Variants in DPP10 observed in about 807,000 individuals in gnomAD.
DPP10 encodes the protein inactive dipeptidyl peptidase 10.
In DPP10, 33 loss-of-function variants were observed where a neutral mutation model predicts 120.9. The observed-to-expected ratio is 0.27, with a 90% confidence interval of 0.21 to 0.37. The LOEUF is 0.37. Among genes scored for constraint, DPP10 ranks in the 10% least tolerant of loss-of-function variants. The probability of loss-of-function intolerance (pLI) is 1.00; values close to 1 mark genes in which losing one functional copy is unlikely to be tolerated. For synonymous variants in DPP10, 337 were observed against 326.1 expected (o/e 1.03, Z -0.36); for missense variants, 816 against 942.8 (o/e 0.87, Z 1.76).
chr2:115,583,605 A>T (rs1341510463), intron 5 of DPP10, among the ~76,000 whole-genome samples: 2 of 152,190 alleles, frequency 1.3e-5, no homozygotes, highest in Non-Finnish European at 2.9e-5. Flanking sequence ...CAGGGCTCCC[A>T]TAGAGCGTTT....
chr2:115,200,837 G>A (rs986799716), intron 1 of DPP10, among the ~76,000 whole-genome samples: 2 of 152,228 alleles, frequency 1.3e-5, no homozygotes, highest in Admixed American at 1.3e-4. Context: ...TTAAACCGAG[G>A]TGCTACTGAG....
intron 1 of DPP10, among the ~76,000 whole-genome samples, chr2:115,056,193 G>T (rs979459661): frequency 6.6e-6 from 1 of 152,120 alleles, no homozygotes; most frequent in African/African-American, 2.4e-5. Flanking sequence ...GGGTTGGAGG[G>T]TGAGGCAGGG....
intron 1 of DPP10, among the ~76,000 whole-genome samples, chr2:115,104,019 T>G (rs1573626753): frequency 6.6e-6 from 1 of 152,172 alleles, no homozygotes; most frequent in Non-Finnish European, 1.5e-5. Context: ...AGCCTGGAGG[T>G]GATTTTATAC....
intron 1 of DPP10, among the ~76,000 whole-genome samples, chr2:115,112,198 A>AT (rs2049260873): frequency 6.6e-6 from 1 of 151,826 alleles, no homozygotes; most frequent in Admixed American, 6.6e-5. Flanking sequence ...AATATTGTAT[A>AT]TTTTTTCCAT....
At chr2:114,956,275 G>T (rs2104680319) in intron 1 of DPP10, among the ~76,000 whole-genome samples, 1 of 151,832 alleles carries the variant, frequency 6.6e-6, no homozygotes, top group South Asian at 2.1e-4. Flanking sequence ...GTAAAAATCA[G>T]TAACATTCCT....
At chr2:115,198,409 T>A (rs1226149038) in intron 1 of DPP10, among the ~76,000 whole-genome samples, 2 of 152,222 alleles carry the variant, frequency 1.3e-5, no homozygotes, top group Non-Finnish European at 2.9e-5. Flanking sequence ...CATGTGTGTG[T>A]GTAGTAGTGT....
chr2:114,726,744 T>C (rs1702074531), intron 1 of DPP10, among the ~76,000 whole-genome samples: 1 of 152,246 alleles, frequency 6.6e-6, no homozygotes, highest in Admixed American at 6.5e-5. Context: ...GAATGCCCTT[T>C]AAGCAGGCCA....
At chr2:115,428,348 G>A (rs1318325470) in intron 3 of DPP10, among the ~76,000 whole-genome samples, 1 of 152,126 alleles carries the variant, frequency 6.6e-6, no homozygotes, top group African/African-American at 2.4e-5. Flanking sequence ...GTATTGGGCT[G>A]TTCTTGCTTT....
chr2:115,281,300 C>T (rs1326094552), intron 1 of DPP10, among the ~76,000 whole-genome samples: 4 of 152,054 alleles, frequency 2.6e-5, no homozygotes, highest in Admixed American at 6.5e-5. Context: ...ATCTGTGTTC[C>T]GAAGACTTAT....
intron 2 of DPP10, among the ~76,000 whole-genome samples, chr2:115,325,342 A>G (rs1364305960): frequency 1.3e-5 from 2 of 152,186 alleles, no homozygotes; most frequent in Non-Finnish European, 2.9e-5. Context: ...AAAGTTCTTG[A>G]TAATGAAGTA....
intron 1 of DPP10, among the ~76,000 whole-genome samples, chr2:114,768,914 A>G (rs1020915779): frequency 1.3e-5 from 2 of 152,308 alleles, no homozygotes; most frequent in African/African-American, 2.4e-5. Context: ...CTATGAGATG[A>G]TAGTGGAAAT....
intron 8 of DPP10, among the ~76,000 whole-genome samples, chr2:115,737,765 C>T (rs1399053529): frequency 6.6e-6 from 1 of 152,128 alleles, no homozygotes; most frequent in Non-Finnish European, 1.5e-5. Context: ...GAATTCAATT[C>T]CTCTTTACTT....
chr2:114,443,486 C>G (rs915458980), intron 1 of DPP10, among the ~76,000 whole-genome samples: 4 of 152,140 alleles, frequency 2.6e-5, no homozygotes, highest in Admixed American at 2.6e-4. Flanking sequence ...AGAACAAACT[C>G]ACAATTTCAC....
chr2:115,445,470 G>A (rs556644635), intron 3 of DPP10, among the ~76,000 whole-genome samples: 37 of 152,278 alleles, frequency 2.4e-4, no homozygotes, highest in Non-Finnish European at 3.4e-4. Context: ...ATGAAGTCCA[G>A]GCTGAGGTGA....
intron 1 of DPP10, among the ~76,000 whole-genome samples, chr2:114,659,489 A>G (rs774778332): frequency 9.2e-5 from 14 of 152,198 alleles, no homozygotes; most frequent in Non-Finnish European, 1.8e-4. Context: ...CACAAAGCCA[A>G]GTAATGGGGT....
At chr2:115,013,226 A>G (rs1198320695) in intron 1 of DPP10, among the ~76,000 whole-genome samples, 1 of 152,104 alleles carries the variant, frequency 6.6e-6, no homozygotes, top group Non-Finnish European at 1.5e-5. Context: ...TTTTTCTGTA[A>G]AGGATTTTAT....
chr2:114,639,970 TG>T (rs1209973264), intron 1 of DPP10, among the ~76,000 whole-genome samples: 1 of 151,958 alleles, frequency 6.6e-6, no homozygotes, highest in African/African-American at 2.4e-5. Context: ...TGATTTTTTT[TG>T]TTCTTCACTG....
At chr2:115,113,006 T>C (rs551036839) in intron 1 of DPP10, among the ~76,000 whole-genome samples, 23 of 152,224 alleles carry the variant, frequency 1.5e-4, no homozygotes, top group African/African-American at 5.5e-4. Context: ...ACTAGTTTAA[T>C]TGATATAAGT....
At chr2:114,615,953 G>A (rs1693644898) in intron 1 of DPP10, among the ~76,000 whole-genome samples, 1 of 152,138 alleles carries the variant, frequency 6.6e-6, no homozygotes, top group South Asian at 2.1e-4. Flanking sequence ...ATAATATAAT[G>A]TGAAAAGTTA....
Sources: allele counts gnomAD v4.1 joint callset (sites outside exome capture counted in the v4.1 genomes callset), GRCh38; gene constraint gnomAD v4.1.1; transcripts MANE v1.5; gene names NCBI Gene and HGNC (gene_info 2026-07-23, HGNC 2026-07-21).